Variants in TRIM39 observed in about 807,000 individuals in gnomAD.
The protein encoded by TRIM39 is E3 ubiquitin-protein ligase TRIM39.
A neutral mutation model predicts 53.6 loss-of-function variants in TRIM39; 5 were observed. That is an observed-to-expected ratio of 0.09 (90% CI 0.05 to 0.20). The LOEUF is 0.20. Ranked by LOEUF, TRIM39 falls within the 10% of genes least tolerant of loss-of-function variation. TRIM39 has a pLI of 1.00. For synonymous variants in TRIM39, 196 were observed against 237.6 expected (o/e 0.82, Z 1.61); for missense variants, 310 against 621.0 (o/e 0.50, Z 5.32).
intron 1 of TRIM39, among the ~76,000 whole-genome samples, chr6:30,328,322 A>G (rs546141939): frequency 1.1e-4 from 17 of 152,342 alleles, no homozygotes; most frequent in African/African-American, 4.1e-4. Context: ...AATATTTAAT[A>G]TGGTTGCCAT....
chr6:30,338,351 ATTC>A lies in TRIM39; in HGVS notation c.781-1551_781-1549del, dbSNP rs1787107015. Among the ~76,000 whole-genome samples, 1 of 152,004 alleles carries A rather than the reference ATTC, an allele frequency of 6.6e-6. No individual in the cohort carries two copies. The highest frequency in any genetic ancestry group is 2.4e-5 in the African/African-American group (1 of 41,370). On this transcript the variant is annotated intron_variant, in intron 5 of 7. Transcript: ENST00000396551. The surrounding 1 kb of genome is among the most constrained non-coding windows in gnomAD (Gnocchi z 4.0). ...TTTGATTTAAAGTGAGAGACATGTG[ATTC>A]TTCTTTCACATGAACACTTAGAGGC...
At chr6:30,328,752 T>A (rs1403232045) in intron 1 of TRIM39, 137 bp from the exon 2 acceptor site, 1 of 152,384 alleles carries the variant, frequency 6.6e-6, no homozygotes, top group Non-Finnish European at 1.5e-5. Context: ...TATTGTGATT[T>A]AGAAGAATGA....
intron 5 of TRIM39, among the ~76,000 whole-genome samples, chr6:30,336,883 TCA>T (rs1786927913): frequency 1.3e-5 from 2 of 152,180 alleles, no homozygotes; most frequent in Admixed American, 1.3e-4. Context: ...ATCAGAAAAA[TCA>T]CTATTTATAG....
intron 2 of TRIM39, 87 bp from the exon 3 acceptor site, chr6:30,329,224 A>C: frequency 7.0e-7 from 1 of 1,433,500 alleles, no homozygotes; most frequent in Non-Finnish European, 9.3e-7. Context: ...ATAGGGATAA[A>C]TGTCGGGTCA....
chr6:30,329,631 G>A, exon 3 of TRIM39: 1 of 1,613,114 alleles, frequency 6.2e-7, no homozygotes, highest in South Asian at 1.1e-5. Context: ...CGGGATGAGA[G>A]CCTCTGCCCC....
intron 4 of TRIM39, among the ~76,000 whole-genome samples, chr6:30,331,265 T>C: frequency 7.7e-6 from 1 of 129,882 alleles, no homozygotes; most frequent in South Asian, 2.7e-4. Flanking sequence ...CAAGGCTCTG[T>C]CTCAAACAAA....
In TRIM39 at chr6:30,342,416, G is replaced by A. The variant is rs1787650740; in HGVS notation, c.*157G>A. 1.3e-6 allele frequency: 1 copy of A among 743,730 alleles called. No homozygotes were observed. 46.1% of individuals were successfully genotyped at this position (743,730 alleles called of 1,614,324 possible). A position where few individuals can be genotyped will look rare whatever the true frequency, so the allele number is the denominator to read the frequency against. ...TCTAGGATGGTTTTGTGTGGAGGGG[G>A]AGGTAGGACTGGGCTGGATGAGAGA... is the stretch of plus-strand genomic sequence containing the variant. On this transcript the variant is annotated 3_prime_UTR_variant, in exon 8 of 8. Coordinates refer to ENST00000396551, the Ensembl canonical transcript of TRIM39. The surrounding 1 kb of genome is among the most constrained non-coding windows in gnomAD (Gnocchi z 4.7).
rs1212078282 is a variant in TRIM39, at chr6:30,338,485, T to C, written c.781-1423T>C. Among the ~76,000 whole-genome samples the C allele has an allele frequency of 6.6e-6, 1 of 151,808 alleles. No homozygotes were observed. Among genetic ancestry groups the C allele is most frequent in the South Asian group, 2.1e-4 (1 of 4,806 alleles). ...AGGGAATAGCTGGTAGTGGATCAGT[T>C]AGAACACATAAAATATATTTATCGA... On this transcript the variant is annotated intron_variant, in intron 5 of 7. Coordinates refer to ENST00000396551, the Ensembl canonical transcript of TRIM39. The surrounding 1 kb of genome is among the most constrained non-coding windows in gnomAD (Gnocchi z 4.0).
chr6:30,337,795 G>C (rs373456743), intron 5 of TRIM39, among the ~76,000 whole-genome samples: 27 of 152,248 alleles, frequency 1.8e-4, no homozygotes, highest in East Asian at 1.7e-3. Context: ...GACTTCTCTC[G>C]AACTGTGAAA....
chr6:30,343,563 G>A (rs1318255927), exon 8 of TRIM39: 1 of 152,648 alleles, frequency 6.6e-6, no homozygotes, highest in Admixed American at 6.5e-5. Flanking sequence ...AGAAATGACT[G>A]AGAGAAGAAT....
rs929401555 is a variant in TRIM39 at position 30,334,706 on chromosome 6, T to C, written c.550-1039T>C. ...GATGACAATCTTATTTTTAACTTTT[T>C]ATTATTTGTACTTTCCTTTTTGTTT... On this transcript the variant is annotated intron_variant, in intron 4 of 7. Transcript: ENST00000396551. Among the ~76,000 whole-genome samples, 12 of 152,302 alleles carry C rather than the reference T, an allele frequency of 7.9e-5. No individual in the cohort carries two copies. The East Asian group carries it at 2.3e-3, about 29-fold the overall frequency.
intron 3 of TRIM39, 110 bp from the exon 4 acceptor site, chr6:30,330,671 G>A (rs1786036600): frequency 8.4e-7 from 1 of 1,188,278 alleles, no homozygotes; most frequent in Non-Finnish European, 1.2e-6. Flanking sequence ...GAGGCAGTAA[G>A]ATGGCTAGGA....
In TRIM39 at chr6:30,338,171, C is replaced by T. The variant is rs1787089421; in HGVS notation, c.781-1737C>T. 6.6e-6 allele frequency among the ~76,000 whole-genome samples: 1 copy of T among 152,184 alleles called. No individual in the cohort carries two copies. Among genetic ancestry groups the T allele is most frequent in the Non-Finnish European group, 1.5e-5 (1 of 68,040 alleles). On this transcript the variant is annotated intron_variant, in intron 5 of 7. Coordinates refer to ENST00000396551, the Ensembl canonical transcript of TRIM39. This position sits in a 1 kb window ranked among gnomAD's most constrained non-coding sequence, Gnocchi z 4.0. The stretch of plus-strand genomic sequence containing the variant: ...CAATAAAGCTGTTTCACTTTCTTAT[C>T]ATTCATGTGTTCACTGGAGTAGCAC...
At chr6:30,341,192 A>G (rs1417637214) in intron 7 of TRIM39, among the ~76,000 whole-genome samples, 2 of 150,678 alleles carry the variant, frequency 1.3e-5, no homozygotes, top group Non-Finnish European at 3.0e-5. Flanking sequence ...TGAGGGACAG[A>G]GTGAGATTCC....
At chr6:30,340,523 C>T in exon 7 of TRIM39, 2 of 1,612,990 alleles carry the variant, frequency 1.2e-6, no homozygotes, top group Non-Finnish European at 1.7e-6. Flanking sequence ...AGGTGAAGAC[C>T]ATGGAGGTGA....
intron 7 of TRIM39, chr6:30,341,299 G>A (rs1787507619): frequency 2.1e-6 from 1 of 469,094 alleles, no homozygotes. Context: ...GCCAGTTCCT[G>A]GAAAACACAC....
intron 3 of TRIM39, among the ~76,000 whole-genome samples, chr6:30,330,376 G>C (rs768739678): frequency 6.6e-6 from 1 of 152,226 alleles, no homozygotes; most frequent in Non-Finnish European, 1.5e-5. Context: ...GTAACTTACA[G>C]TATAATAACC....
chr6:30,337,358 T>C (rs1298328800), intron 5 of TRIM39, among the ~76,000 whole-genome samples: 2 of 152,036 alleles, frequency 1.3e-5, no homozygotes, highest in South Asian at 2.1e-4. Flanking sequence ...TGAGCCAAGA[T>C]CATGCAGTTG....
chr6:30,342,532 C>T lies in TRIM39; in HGVS notation c.*273C>T, dbSNP rs1443239115. The T allele has an allele frequency of 1.3e-5, 7 of 552,624 alleles. No homozygotes were observed. The highest frequency in any genetic ancestry group is 2.2e-5 in the Non-Finnish European group (7 of 312,006). 34.2% of individuals were successfully genotyped at this position (552,624 alleles called of 1,614,324 possible). A position where few individuals can be genotyped will look rare whatever the true frequency, so the allele number is the denominator to read the frequency against. ...GAAGTCCATCAGGTTTTCTGTTGCA[C>T]AAGGACGGGTCAGGAAGGAAGGAGA... On this transcript the variant is annotated 3_prime_UTR_variant, in exon 8 of 8. Coordinates refer to ENST00000396551, the Ensembl canonical transcript of TRIM39. This position sits in a 1 kb window ranked among gnomAD's most constrained non-coding sequence, Gnocchi z 4.7.
Sources: allele counts gnomAD v4.1 joint callset (sites outside exome capture counted in the v4.1 genomes callset), GRCh38; gene constraint gnomAD v4.1.1; non-coding constraint Gnocchi (gnomAD v3.1); transcripts MANE v1.5; gene names NCBI Gene and HGNC (gene_info 2026-07-23, HGNC 2026-07-21).